PDGFC: variants seen among roughly 807,000 people sequenced by gnomAD.
The protein encoded by PDGFC is platelet-derived growth factor C.
In PDGFC, 12 loss-of-function variants were observed where a neutral mutation model predicts 35.5. The observed-to-expected ratio is 0.34, with a 90% CI of 0.22 to 0.55. The LOEUF (loss-of-function observed/expected upper bound fraction) is 0.55, where lower values mean the gene tolerates loss of function less well. Ranked by LOEUF, PDGFC falls within the 20% of genes least tolerant of loss-of-function variation. The pLI is 0.91. For synonymous variants in PDGFC, 159 were observed against 148.8 expected (o/e 1.07, Z -0.50); for missense variants, 322 against 412.4 (o/e 0.78, Z 1.90).
chr4:156,780,460 T>C (rs1355370910), intron 3 of PDGFC, among the ~76,000 whole-genome samples: 3 of 152,300 alleles, frequency 2.0e-5, no homozygotes, highest in East Asian at 3.9e-4. Flanking sequence ...ATTTATTCAA[T>C]GTATCACTCA....
intron 1 of PDGFC, among the ~76,000 whole-genome samples, chr4:156,943,244 T>C (rs1731856979): frequency 6.6e-6 from 1 of 152,090 alleles, no homozygotes; most frequent in African/African-American, 2.4e-5. Flanking sequence ...TTAATACCTA[T>C]GATGTAGCTC....
chr4:156,863,786 C>T (rs1267865004), intron 1 of PDGFC, among the ~76,000 whole-genome samples: 4 of 152,006 alleles, frequency 2.6e-5, no homozygotes, highest in Non-Finnish European at 5.9e-5. Flanking sequence ...TTAGAGAAGA[C>T]AAGAGATCAT....
chr4:156,933,890 G>A (rs1731614156), intron 1 of PDGFC, among the ~76,000 whole-genome samples: 1 of 152,056 alleles, frequency 6.6e-6, no homozygotes, highest in African/African-American at 2.4e-5. Flanking sequence ...TGCCACAATT[G>A]TAAGTTTCCC....
chr4:156,826,174 A>ATTTTTTTTT lies in PDGFC; in HGVS notation c.315-15166_315-15158dup, dbSNP rs59421806. Among the ~76,000 whole-genome samples the ATTTTTTTTT allele has an allele frequency of 2.9e-3, 127 of 43,786 alleles. 14 individuals are homozygous for ATTTTTTTTT. Among genetic ancestry groups the ATTTTTTTTT allele is most frequent in the African/African-American group, 3.9e-3 (48 of 12,384 alleles). The allele number at this position is 43,786 out of a possible 152,430, so 28.7% of individuals were successfully genotyped here. A position where few individuals can be genotyped will look rare whatever the true frequency, so the allele number is the denominator to read the frequency against. ...GCCACCATATCCAGCTTTGAGTTGG[A>ATTTTTTTTT]TTTTTTTTTTTTTTTTTTTTTTTTT... On this transcript the variant is annotated intron_variant, in intron 2 of 5. Transcript: ENST00000502773.
intron 1 of PDGFC, among the ~76,000 whole-genome samples, chr4:156,878,220 T>G (rs1021999260): frequency 6.6e-6 from 1 of 152,094 alleles, no homozygotes; most frequent in Non-Finnish European, 1.5e-5. Context: ...AATTTAGACC[T>G]AGGAATTAAA....
At chr4:156,887,074 T>A (rs1460617929) in intron 1 of PDGFC, among the ~76,000 whole-genome samples, 1 of 152,206 alleles carries the variant, frequency 6.6e-6, no homozygotes, top group African/African-American at 2.4e-5. Flanking sequence ...TATGAGCCAC[T>A]ATTAACAAAG....
intron 1 of PDGFC, among the ~76,000 whole-genome samples, chr4:156,966,205 C>T (rs6822796): frequency 0.3 from 45,224 of 151,976 alleles, 7,420 homozygotes; most frequent in South Asian, 0.52. Flanking sequence ...AAAAATAATA[C>T]AACATACAGA....
At chr4:156,855,344 C>G (rs975741772) in intron 1 of PDGFC, among the ~76,000 whole-genome samples, 2 of 152,130 alleles carry the variant, frequency 1.3e-5, no homozygotes, top group African/African-American at 2.4e-5. Context: ...TAATATGCAA[C>G]TCCTAAAAAT....
chr4:156,952,259 T>C (rs1449810445), intron 1 of PDGFC, among the ~76,000 whole-genome samples: 2 of 151,878 alleles, frequency 1.3e-5, no homozygotes, highest in African/African-American at 4.8e-5. Context: ...CACAAACTAA[T>C]GATGGAATTA....
In PDGFC at chr4:156,923,011, T is replaced by C. The variant is rs1373761419; in HGVS notation, c.118+47775A>G. Among the ~76,000 whole-genome samples the C allele has an allele frequency of 3.9e-5, 6 of 152,294 alleles. No homozygotes were observed. In the South Asian group the frequency reaches 1.0e-3, roughly 26 times the overall value. ...CAGATTTTTATGCTTGCCCACGTTA[T>C]ATAGTCTCTACACAAAAGCCAGATT... On this transcript the variant is annotated intron_variant, in intron 1 of 5. Coordinates refer to ENST00000502773, the MANE Select transcript of PDGFC (RefSeq NM_016205.3).
At chr4:156,839,437 A>G (rs1024067381) in intron 2 of PDGFC, among the ~76,000 whole-genome samples, 2 of 152,120 alleles carry the variant, frequency 1.3e-5, no homozygotes, top group Admixed American at 1.3e-4. Flanking sequence ...CATGATTGTA[A>G]GTTTCCTGAG....
intron 3 of PDGFC, among the ~76,000 whole-genome samples, chr4:156,775,884 A>G (rs1270246853): frequency 6.6e-6 from 1 of 152,290 alleles, no homozygotes; most frequent in Non-Finnish European, 1.5e-5. Context: ...CACCCCACAC[A>G]CAGTGGTCCC....
At chr4:156,792,520 A>T (rs147667613) in intron 3 of PDGFC, among the ~76,000 whole-genome samples, 19 of 152,214 alleles carry the variant, frequency 1.2e-4, no homozygotes, top group African/African-American at 3.6e-4. Flanking sequence ...ATATTTTGAA[A>T]CTCCAGCATC....
At chr4:156,814,347 G>A (rs1157694378) in intron 2 of PDGFC, among the ~76,000 whole-genome samples, 1 of 152,138 alleles carries the variant, frequency 6.6e-6, no homozygotes, top group Non-Finnish European at 1.5e-5. Context: ...AGAAGGAGCA[G>A]TCAGGGAAAT....
intron 1 of PDGFC, among the ~76,000 whole-genome samples, chr4:156,878,323 G>A (rs909484889): frequency 6.6e-6 from 1 of 152,126 alleles, no homozygotes. Context: ...ATCATTCCGT[G>A]CTTAGGAATA....
intron 1 of PDGFC, among the ~76,000 whole-genome samples, chr4:156,873,323 T>C (rs941612766): frequency 4.6e-5 from 7 of 152,114 alleles, no homozygotes; most frequent in South Asian, 2.1e-4. Flanking sequence ...TGCCCACCCC[T>C]TACTCCCAAA....
chr4:156,763,613 T>C (rs1247839558), intron 5 of PDGFC, among the ~76,000 whole-genome samples: 1 of 152,220 alleles, frequency 6.6e-6, no homozygotes, highest in Non-Finnish European at 1.5e-5. Flanking sequence ...TTAACAAATA[T>C]TTATACTTGA....
At chr4:156,768,894 T>C (rs532486617) in intron 4 of PDGFC, among the ~76,000 whole-genome samples, 9 of 152,010 alleles carry the variant, frequency 5.9e-5, no homozygotes, top group Non-Finnish European at 2.9e-5. Context: ...AGGAAAATTA[T>C]ATCGAAATAA....
chr4:156,790,940 T>A (rs1280354291), intron 3 of PDGFC, among the ~76,000 whole-genome samples: 3 of 152,302 alleles, frequency 2.0e-5, no homozygotes, highest in East Asian at 1.9e-4. Flanking sequence ...GCATTTTACA[T>A]CCTACATTGG....
Sources: allele counts gnomAD v4.1 joint callset (sites outside exome capture counted in the v4.1 genomes callset), GRCh38; gene constraint gnomAD v4.1.1; transcripts MANE v1.5; gene names NCBI Gene and HGNC (gene_info 2026-07-23, HGNC 2026-07-21).